The following DNM3 variants were observed in gnomAD, a reference collection of about 807,000 sequenced individuals.
The protein encoded by DNM3 is dynamin-3.
In DNM3, 47 loss-of-function variants were observed where a neutral mutation model predicts 101.6. The observed-to-expected ratio is 0.46, with a 90% CI of 0.37 to 0.59. The LOEUF (loss-of-function observed/expected upper bound fraction) is 0.59. Ranked by LOEUF, DNM3 falls within the 20% of genes least tolerant of loss-of-function variation. DNM3 has a pLI of 0.00. For missense variants in DNM3, 849 were observed against 1,085.7 expected (o/e 0.78, Z 3.06); for synonymous variants, 385 against 387.9 (o/e 0.99, Z 0.09).
intron 11 of DNM3, among the ~76,000 whole-genome samples, chr1:172,071,592 T>C: frequency 6.6e-6 from 1 of 152,220 alleles, no homozygotes; most frequent in South Asian, 2.1e-4. Context: ...CTTTAAAAAG[T>C]AGAGTTACTA....
At chr1:172,297,348 TTA>T (rs2064217744) in intron 15 of DNM3, among the ~76,000 whole-genome samples, 1 of 152,146 alleles carries the variant, frequency 6.6e-6, no homozygotes, top group Non-Finnish European at 1.5e-5. Context: ...TTTGTGGTCA[TTA>T]TCCTATTGTT....
At chr1:172,332,916 T>C (rs2066251598) in intron 17 of DNM3, among the ~76,000 whole-genome samples, 1 of 152,062 alleles carries the variant, frequency 6.6e-6, no homozygotes, top group African/African-American at 2.4e-5. Context: ...AAATCTAGAG[T>C]TCAGGGAAGA....
chr1:172,022,260 A>G (rs1259746311), intron 4 of DNM3, among the ~76,000 whole-genome samples: 1 of 152,186 alleles, frequency 6.6e-6, no homozygotes, highest in African/African-American at 2.4e-5. Context: ...AGCCTGGCAC[A>G]TAATCAGGGC....
intron 14 of DNM3, among the ~76,000 whole-genome samples, chr1:172,234,329 A>C (rs2061452213): frequency 6.6e-6 from 1 of 152,176 alleles, no homozygotes; most frequent in Non-Finnish European, 1.5e-5. Context: ...CCAACTTACA[A>C]AAGATGTGAA....
At position 172,137,258 on chromosome 1, in the gene DNM3, C is replaced by T. The variant is rs1019658491; in HGVS notation, c.1659+5970C>T. 8 of 152,212 alleles carry T rather than the reference C, an allele frequency of 5.3e-5. No homozygotes were observed. In the East Asian group the frequency reaches 1.5e-3, roughly 29 times the overall value. 9.4% of individuals were successfully genotyped at this position (152,212 alleles called of 1,614,324 possible). Reference sequence around the variant, plus strand: ...TGTGAGTAATTTTTATATTGTCTTCCTGTTTATATTCTACATTTTGTAAGT... The same window carrying T: ...TGTGAGTAATTTTTATATTGTCTTCTTGTTTATATTCTACATTTTGTAAGT... On this transcript the variant is annotated intron_variant, in intron 14 of 20. Transcript: ENST00000627582.
At chr1:172,364,017 A>C (rs1199022747) in intron 17 of DNM3, among the ~76,000 whole-genome samples, 1 of 151,900 alleles carries the variant, frequency 6.6e-6, no homozygotes, top group African/African-American at 2.4e-5. Flanking sequence ...CTTAGAGGCT[A>C]TACCATACCA....
intron 6 of DNM3, 126 bp from the exon 7 acceptor site, chr1:172,038,193 A>G (rs2049106607): frequency 3.2e-6 from 4 of 1,234,858 alleles, no homozygotes; most frequent in Non-Finnish European, 4.6e-6. Flanking sequence ...TCAAATGCAG[A>G]CATAATGTTT....
At chr1:172,355,116 G>C (rs2067385492) in intron 17 of DNM3, among the ~76,000 whole-genome samples, 1 of 152,058 alleles carries the variant, frequency 6.6e-6, no homozygotes, top group African/African-American at 2.4e-5. Flanking sequence ...AATTAAAGTG[G>C]ACCAAAGTTG....
chr1:172,067,076 G>A (rs147234818), intron 10 of DNM3, among the ~76,000 whole-genome samples: 158 of 152,046 alleles, frequency 1.0e-3, no homozygotes, highest in African/African-American at 3.5e-3. Flanking sequence ...TTTAAATTGT[G>A]CTAATCTCAG....
intron 14 of DNM3, among the ~76,000 whole-genome samples, chr1:172,158,430 T>C (rs181022113): frequency 6.6e-6 from 1 of 151,910 alleles, no homozygotes; most frequent in East Asian, 1.9e-4. Flanking sequence ...TTCCTGCTAG[T>C]GGGAAGAACA....
intron 1 of DNM3, among the ~76,000 whole-genome samples, chr1:171,903,041 G>A (rs2038508608): frequency 6.6e-6 from 1 of 152,054 alleles, no homozygotes; most frequent in South Asian, 2.1e-4. Context: ...AATAGTCCCA[G>A]CTATTTGGGA....
At chr1:172,351,101 T>G (rs1412402511) in intron 17 of DNM3, among the ~76,000 whole-genome samples, 1 of 152,194 alleles carries the variant, frequency 6.6e-6, no homozygotes, top group Non-Finnish European at 1.5e-5. Flanking sequence ...CTGACTCATA[T>G]TTTAGTATCT....
At chr1:171,933,851 G>A (rs892324630) in intron 2 of DNM3, among the ~76,000 whole-genome samples, 6 of 152,170 alleles carry the variant, frequency 3.9e-5, no homozygotes, top group Non-Finnish European at 2.9e-5. Flanking sequence ...ATGGGAGGAC[G>A]CCTCCTCTAT....
chr1:172,133,143 G>A, intron 14 of DNM3: 2 of 1,378,488 alleles, frequency 1.5e-6, no homozygotes, highest in Non-Finnish European at 9.3e-7. Context: ...AGACTCTGGA[G>A]TAGCTACTGC....
chr1:172,389,240 C>T (rs1573703981), intron 20 of DNM3: 1 of 165,330 alleles, frequency 6.0e-6, no homozygotes, highest in Admixed American at 5.8e-5. Context: ...ATCCATCTGC[C>T]TTCTGAACTG....
intron 14 of DNM3, among the ~76,000 whole-genome samples, chr1:172,238,059 C>G (rs554339728): frequency 1.3e-5 from 2 of 152,114 alleles, no homozygotes; most frequent in South Asian, 2.1e-4. Context: ...TTTTTCATTA[C>G]CATACTATAA....
intron 1 of DNM3, among the ~76,000 whole-genome samples, chr1:171,856,917 C>T (rs1284573382): frequency 6.6e-6 from 1 of 152,110 alleles, no homozygotes; most frequent in Non-Finnish European, 1.5e-5. Context: ...AGAAAGATTT[C>T]ATGTAAACTA....
intron 2 of DNM3, among the ~76,000 whole-genome samples, chr1:171,950,972 A>AT (rs2042486343): frequency 6.6e-6 from 1 of 151,364 alleles, no homozygotes; most frequent in Non-Finnish European, 1.5e-5. Flanking sequence ...TTCCTCCTCC[A>AT]TTTTTTGGAT....
chr1:172,058,073 C>G (rs563458331), intron 10 of DNM3, among the ~76,000 whole-genome samples: 2 of 135,460 alleles, frequency 1.5e-5, no homozygotes, highest in African/African-American at 2.9e-5. Flanking sequence ...GACTTTAAAC[C>G]AACAAAGATC....
Sources: allele counts gnomAD v4.1 joint callset (sites outside exome capture counted in the v4.1 genomes callset), GRCh38; gene constraint gnomAD v4.1.1; transcripts MANE v1.5; gene names NCBI Gene and HGNC (gene_info 2026-07-23, HGNC 2026-07-21).